MAGI2: variants seen among roughly 807,000 people sequenced by gnomAD.
The protein encoded by MAGI2 is membrane-associated guanylate kinase, WW and PDZ domain-containing protein 2.
Under a neutral mutation model 133.3 loss-of-function variants are expected in MAGI2, and 35 were observed. The observed-to-expected ratio is 0.26, with a 90% CI of 0.20 to 0.35. The LOEUF (loss-of-function observed/expected upper bound fraction) is 0.35, where lower values mean the gene tolerates loss of function less well. MAGI2 is among the 10% of genes least tolerant of loss of function. The probability of loss-of-function intolerance (pLI) is 1.00; values close to 1 mark genes in which losing one functional copy is unlikely to be tolerated. For synonymous variants in MAGI2, 729 were observed against 710.6 expected (o/e 1.03, Z -0.41); for missense variants, 1,636 against 1,863.4 (o/e 0.88, Z 2.25).
At chr7:79,241,495 A>G (rs1398147864) in intron 1 of MAGI2, among the ~76,000 whole-genome samples, 1 of 152,106 alleles carries the variant, frequency 6.6e-6, no homozygotes, top group Non-Finnish European at 1.5e-5. Context: ...AAGGATGATA[A>G]TAGTCTCTTC....
At chr7:78,224,828 G>A (rs955356070) in intron 10 of MAGI2, among the ~76,000 whole-genome samples, 1 of 151,858 alleles carries the variant, frequency 6.6e-6, no homozygotes, top group Admixed American at 6.6e-5. Context: ...GCCTCACGGT[G>A]AATGGCATTT....
At chr7:78,077,681 G>C (rs904123377) in intron 21 of MAGI2, among the ~76,000 whole-genome samples, 1 of 146,124 alleles carries the variant, frequency 6.8e-6, no homozygotes, top group African/African-American at 2.5e-5. Context: ...TTTAGACAAT[G>C]TATGCAAAAA....
intron 2 of MAGI2, among the ~76,000 whole-genome samples, chr7:78,671,814 AT>A (rs1259513359): frequency 6.6e-6 from 1 of 152,190 alleles, no homozygotes. Flanking sequence ...TTAAAACCAA[AT>A]CATGAAGCTA....
intron 20 of MAGI2, among the ~76,000 whole-genome samples, chr7:78,089,073 A>C (rs1475017430): frequency 1.9e-4 from 29 of 152,362 alleles, no homozygotes; most frequent in Non-Finnish European, 5.9e-5. Context: ...TTCCTACCCC[A>C]GAGTCTCCAA....
At chr7:78,995,452 T>C (rs981575889) in intron 2 of MAGI2, among the ~76,000 whole-genome samples, 1 of 152,138 alleles carries the variant, frequency 6.6e-6, no homozygotes, top group Admixed American at 6.6e-5. Context: ...AAAAGATAAT[T>C]TGGAACCTGA....
intron 6 of MAGI2, among the ~76,000 whole-genome samples, chr7:78,456,610 C>A (rs7779438): frequency 0.22 from 33,125 of 151,866 alleles, 5,125 homozygotes; most frequent in African/African-American, 0.43. Flanking sequence ...GACTAAAAGA[C>A]TTGTGTAAAT....
intron 1 of MAGI2, among the ~76,000 whole-genome samples, chr7:79,131,394 C>T (rs1820926904): frequency 6.6e-6 from 1 of 152,186 alleles, no homozygotes; most frequent in South Asian, 2.1e-4. Flanking sequence ...GGCACACAAA[C>T]CTTCTCCACT....
In MAGI2 at chr7:78,019,360, C is replaced by G. The variant is rs1563006581; in HGVS notation, c.4323G>C (p.Lys1441Asn). The G allele has an allele frequency of 1.3e-6, 2 of 1,491,568 alleles. No homozygotes were observed. Among genetic ancestry groups the G allele is most frequent in the Non-Finnish European group, 1.8e-6 (2 of 1,128,602 alleles). 92.4% of individuals were successfully genotyped at this position (1,491,568 alleles called of 1,614,324 possible). A position where few individuals can be genotyped will look rare whatever the true frequency, so the allele number is the denominator to read the frequency against. The part of the protein sequence containing the change: ...PGPWKVPGSD[K>N]LPSVLKPGAS... ...CGCCGGGTTTGAGGACGCTGGGCAG[C>G]TTGTCAGAACCCGGCACCTTCCAGG... Residue 1441 changes from lysine to asparagine, a missense_variant, in exon 22 of 22, where the codon AAG becomes AAC. This residue lies in a region of MAGI2 where 354 missense variants were observed against 298.7 expected (regional missense o/e 1.19). Coordinates refer to ENST00000354212, the MANE Select transcript of MAGI2 (RefSeq NM_012301.4).
At chr7:79,267,285 G>A (rs879291402) in intron 1 of MAGI2, among the ~76,000 whole-genome samples, 1 of 152,140 alleles carries the variant, frequency 6.6e-6, no homozygotes, top group African/African-American at 2.4e-5. Context: ...ACTGCACTGG[G>A]TAAGGGGACC....
chr7:78,485,027 T>G, intron 6 of MAGI2: 1 of 152,010 alleles, frequency 6.6e-6, no homozygotes, highest in East Asian at 1.9e-4. Flanking sequence ...CTACAAGGCT[T>G]AATTCACTTT....
chr7:78,267,607 T>C (rs1302988409), intron 9 of MAGI2, among the ~76,000 whole-genome samples: 1 of 152,220 alleles, frequency 6.6e-6, no homozygotes, highest in Non-Finnish European at 1.5e-5. Flanking sequence ...AAATTTGTCT[T>C]GGCTTCACTG....
chr7:78,421,461 T>TATA (rs1798789296), intron 6 of MAGI2, among the ~76,000 whole-genome samples: 3 of 152,196 alleles, frequency 2.0e-5, no homozygotes, highest in Non-Finnish European at 2.9e-5. Context: ...CTGAACAAAA[T>TATA]ATAACTGAGT....
chr7:78,138,334 C>A (rs1390578667), intron 16 of MAGI2, among the ~76,000 whole-genome samples: 1 of 151,938 alleles, frequency 6.6e-6, no homozygotes, highest in Non-Finnish European at 1.5e-5. Context: ...TTTTGACAGG[C>A]AAAGTGGGAG....
chr7:78,963,887 T>C (rs964869954), intron 2 of MAGI2, among the ~76,000 whole-genome samples: 2 of 151,990 alleles, frequency 1.3e-5, no homozygotes, highest in African/African-American at 4.8e-5. Context: ...ATGTGGTGAT[T>C]TTCGAACTCA....
intron 16 of MAGI2, among the ~76,000 whole-genome samples, chr7:78,159,484 C>T (rs1303435704): frequency 6.6e-6 from 1 of 152,198 alleles, no homozygotes; most frequent in African/African-American, 2.4e-5. Flanking sequence ...ACCAAGAGCA[C>T]ATGAAGCCAG....
chr7:78,438,766 A>G (rs1055099662), intron 6 of MAGI2, among the ~76,000 whole-genome samples: 4 of 152,186 alleles, frequency 2.6e-5, no homozygotes, highest in Non-Finnish European at 4.4e-5. Flanking sequence ...TCCACAAAAC[A>G]TGAATTTCTA....
intron 1 of MAGI2, among the ~76,000 whole-genome samples, chr7:79,341,471 G>C (rs910231799): frequency 6.6e-6 from 1 of 152,094 alleles, no homozygotes; most frequent in Non-Finnish European, 1.5e-5. Context: ...CAAGATGATA[G>C]AAGAATAAAA....
intron 10 of MAGI2, among the ~76,000 whole-genome samples, chr7:78,223,417 A>G (rs1789032323): frequency 6.6e-6 from 1 of 152,214 alleles, no homozygotes. Context: ...CTGAAAATAG[A>G]AATTATATTC....
chr7:79,049,883 ACTT>A (rs1189070721), intron 1 of MAGI2, among the ~76,000 whole-genome samples: 2 of 151,412 alleles, frequency 1.3e-5, no homozygotes, highest in African/African-American at 4.9e-5. Flanking sequence ...ATATTTTACT[ACTT>A]CTCATATTTT....
Sources: allele counts gnomAD v4.1 joint callset (sites outside exome capture counted in the v4.1 genomes callset), GRCh38; gene constraint gnomAD v4.1.1; regional missense constraint gnomAD v4.1.1; transcripts MANE v1.5; gene names NCBI Gene and HGNC (gene_info 2026-07-23, HGNC 2026-07-21).